Variants in SOX5 observed in about 807,000 individuals in gnomAD.
The protein encoded by SOX5 is transcription factor SOX-5.
A neutral mutation model predicts 92.0 loss-of-function variants in SOX5; 9 were observed. The observed-to-expected ratio is 0.10, with a 90% confidence interval of 0.06 to 0.17. SOX5 has a LOEUF of 0.17. Among genes scored for constraint, SOX5 ranks in the 10% least tolerant of loss-of-function variants. The probability of loss-of-function intolerance (pLI) is 1.00; values close to 1 mark genes in which losing one functional copy is unlikely to be tolerated. For missense variants in SOX5, 642 were observed against 944.5 expected, an observed-to-expected ratio of 0.68 and a Z score of 4.20; for synonymous variants, 344 against 336.3, an observed-to-expected ratio of 1.02 and a Z score of -0.25.
intron 2 of SOX5, among the ~76,000 whole-genome samples, chr12:24,350,604 T>C (rs145769407): frequency 2.0e-5 from 3 of 152,152 alleles, no homozygotes; most frequent in Non-Finnish European, 4.4e-5. Flanking sequence ...TTGGCCTCCC[T>C]TAGTGCTGAG....
chr12:23,616,877 T>C (rs1315007646), intron 8 of SOX5, among the ~76,000 whole-genome samples: 1 of 152,054 alleles, frequency 6.6e-6, no homozygotes, highest in Non-Finnish European at 1.5e-5. Flanking sequence ...CCCAGAACTC[T>C]GAGAGGCCAA....
chr12:24,132,988 G>T (rs892630690), intron 4 of SOX5, among the ~76,000 whole-genome samples: 1 of 152,120 alleles, frequency 6.6e-6, no homozygotes, highest in African/African-American at 2.4e-5. Flanking sequence ...AAAAGATAAA[G>T]TCAACCTAGC....
intron 3 of SOX5, among the ~76,000 whole-genome samples, chr12:23,811,554 C>A (rs1209073173): frequency 1.3e-5 from 2 of 151,882 alleles, no homozygotes; most frequent in East Asian, 1.9e-4. Context: ...TGATTTACAG[C>A]CAAAATAAAG....
intron 8 of SOX5, among the ~76,000 whole-genome samples, chr12:23,613,542 C>G (rs538207384): frequency 2.6e-5 from 4 of 152,198 alleles, no homozygotes; most frequent in African/African-American, 9.6e-5. Context: ...AGCAGGATCT[C>G]AAAAAGATAT....
At chr12:24,504,442 T>A (rs116374458) in intron 1 of SOX5, among the ~76,000 whole-genome samples, 1 of 152,158 alleles carries the variant, frequency 6.6e-6, no homozygotes, top group Non-Finnish European at 1.5e-5. Flanking sequence ...ACCGATAAAT[T>A]TTTTAAGAGA....
chr12:24,061,593 C>T (rs1939713300), intron 4 of SOX5, among the ~76,000 whole-genome samples: 1 of 152,110 alleles, frequency 6.6e-6, no homozygotes. Context: ...TTGCACAAAA[C>T]ATAGGGCATC....
intron 2 of SOX5, among the ~76,000 whole-genome samples, chr12:24,340,655 T>C (rs530635307): frequency 9.2e-5 from 14 of 152,184 alleles, no homozygotes; most frequent in Non-Finnish European, 1.9e-4. Flanking sequence ...TCTATTAAAT[T>C]CAATTGAGTC....
intron 4 of SOX5, among the ~76,000 whole-genome samples, chr12:24,160,528 T>G (rs1424581025): frequency 6.6e-6 from 1 of 152,022 alleles, no homozygotes; most frequent in East Asian, 1.9e-4. Flanking sequence ...CCATTGGCAG[T>G]GATCTTTCTT....
At chr12:23,856,684 T>C (rs1198348457) in intron 2 of SOX5, among the ~76,000 whole-genome samples, 1 of 152,134 alleles carries the variant, frequency 6.6e-6, no homozygotes, top group African/African-American at 2.4e-5. Context: ...GTTTTCTCTC[T>C]CTTCAAAGAG....
At chr12:24,505,450 T>A (rs1045759016) in intron 1 of SOX5, among the ~76,000 whole-genome samples, 2 of 152,158 alleles carry the variant, frequency 1.3e-5, no homozygotes, top group Admixed American at 1.3e-4. Flanking sequence ...TGAAAAAAAA[T>A]AAGAGCCAGT....
chr12:23,721,036 C>T (rs797020618), intron 6 of SOX5, among the ~76,000 whole-genome samples: 5 of 151,930 alleles, frequency 3.3e-5, no homozygotes, highest in African/African-American at 1.2e-4. Flanking sequence ...AAAGCTGGAC[C>T]GAATTATCTC....
At chr12:23,577,520 G>A (rs976204640) in intron 9 of SOX5, among the ~76,000 whole-genome samples, 4 of 151,632 alleles carry the variant, frequency 2.6e-5, no homozygotes, top group Admixed American at 6.6e-5. Context: ...TTTTTAAGTG[G>A]CTTAATATTA....
chr12:23,716,074 C>T (rs574401346), intron 6 of SOX5, among the ~76,000 whole-genome samples: 35 of 152,048 alleles, frequency 2.3e-4, no homozygotes, highest in Non-Finnish European at 3.8e-4. Context: ...TATGGAGGCA[C>T]CTTAAGTTAT....
chr12:23,667,120 T>C (rs1021378092), intron 6 of SOX5, among the ~76,000 whole-genome samples: 4 of 151,818 alleles, frequency 2.6e-5, no homozygotes, highest in Non-Finnish European at 5.9e-5. Flanking sequence ...AATGTGTGTG[T>C]GGTGGTGGGG....
chr12:24,195,199 C>T (rs1956899208), intron 4 of SOX5, among the ~76,000 whole-genome samples: 1 of 149,738 alleles, frequency 6.7e-6, no homozygotes, highest in South Asian at 2.1e-4. Flanking sequence ...TAATGAAAAA[C>T]ATTATCACAT....
In SOX5 at chr12:23,878,737, TTC is replaced by T. The variant is rs1228363806; in HGVS notation, c.270+17054_270+17055del. ...TATTTTTATCTGTTCATATTTTTTATTCTCTCTTTTCCTTAAATTTTCTGCTT... is the reference window on the plus strand; with the variant it reads ...TATTTTTATCTGTTCATATTTTTTATTCTCTTTTCCTTAAATTTTCTGCTT... On this transcript the variant is annotated intron_variant, in intron 2 of 14. Coordinates refer to ENST00000451604, the MANE Select transcript of SOX5 (RefSeq NM_006940.6). Among the ~76,000 whole-genome samples the T allele has an allele frequency of 1.9e-4, 29 of 152,236 alleles. No individual in the cohort carries two copies. In the East Asian group the frequency reaches 5.0e-3, roughly 26 times the overall value.
intron 1 of SOX5, among the ~76,000 whole-genome samples, chr12:24,462,501 A>G (rs1185653426): frequency 6.6e-6 from 1 of 152,236 alleles, no homozygotes; most frequent in Non-Finnish European, 1.5e-5. Context: ...TGTAATGTCA[A>G]GAACAGAGCT....
At chr12:24,035,181 T>C (rs1955901346) in intron 4 of SOX5, among the ~76,000 whole-genome samples, 1 of 152,154 alleles carries the variant, frequency 6.6e-6, no homozygotes, top group Admixed American at 6.6e-5. Context: ...GAAAACTTGA[T>C]ATAGTTATTT....
chr12:23,700,093 A>T (rs529856556), intron 6 of SOX5, among the ~76,000 whole-genome samples: 52 of 152,314 alleles, frequency 3.4e-4, no homozygotes, highest in African/African-American at 1.2e-3. Context: ...CATGTCCCAG[A>T]CCAGAACTGC....
Sources: allele counts gnomAD v4.1 joint callset (sites outside exome capture counted in the v4.1 genomes callset), GRCh38; gene constraint gnomAD v4.1.1; transcripts MANE v1.5; gene names NCBI Gene and HGNC (gene_info 2026-07-23, HGNC 2026-07-21).